The following SLC9A4 variants were observed in gnomAD, a reference collection of about 807,000 sequenced individuals.
SLC9A4 encodes the protein sodium/hydrogen exchanger 4.
Under a neutral mutation model 67.4 loss-of-function variants are expected in SLC9A4, and 63 were observed. That is an observed-to-expected ratio of 0.93 (90% CI 0.76 to 1.15). SLC9A4 has a LOEUF of 1.15. Among genes scored for constraint, SLC9A4 ranks in the 50% most tolerant of loss-of-function variants. The pLI is 0.00. For synonymous variants in SLC9A4, 393 were observed against 367.2 expected (o/e 1.07, Z -0.80); for missense variants, 1,089 against 987.7 (o/e 1.10, Z -1.38).
intron 3 of SLC9A4, among the ~76,000 whole-genome samples, chr2:102,504,876 C>G (rs1387126341): frequency 6.6e-6 from 1 of 152,176 alleles, no homozygotes; most frequent in Non-Finnish European, 1.5e-5. Context: ...AAATGAGAAC[C>G]TTGAAGAATT....
Position 102,505,276 on chromosome 2 carries a change from A to G in SLC9A4, c.1003A>G (p.Met335Val), listed in dbSNP as rs1468007064. 4 of 1,614,038 alleles carry G rather than the reference A, an allele frequency of 2.5e-6. No homozygotes were observed. The highest frequency in any genetic ancestry group is 1.1e-5 in the South Asian group (1 of 91,072). The change falls in exon 4 of 12, where the codon ATG becomes GTG. Residue 335 changes from methionine (M) to valine (V), a missense_variant. Physicochemically the swap from Met to Val is conservative, Grantham distance 21 (BLOSUM62 1). Coordinates refer to ENST00000295269, the MANE Select transcript of SLC9A4 (RefSeq NM_001011552.4). The part of the protein sequence containing the change: ...ILAITACAVT[M>V]KKYVEENVSQ... ...TAGAATCACAGCCTGCGCAGTAACA[A>G]TGAAAAAGTACGTGGAAGAAAACGT...
At chr2:102,475,081 A>G (rs17027258) in intron 1 of SLC9A4, among the ~76,000 whole-genome samples, 37,243 of 152,080 alleles carry the variant, frequency 0.24, 4,983 homozygotes, top group East Asian at 0.4. Context: ...TGAGCTAGTA[A>G]AGTGTGAATA....
At chr2:102,527,003 T>C (rs571447560) in intron 11 of SLC9A4, among the ~76,000 whole-genome samples, 1 of 152,326 alleles carries the variant, frequency 6.6e-6, no homozygotes, top group African/African-American at 2.4e-5. Flanking sequence ...TGTTGGAAAT[T>C]CACGTAAACT....
chr2:102,477,582 A>G (rs1278359411), intron 1 of SLC9A4, among the ~76,000 whole-genome samples: 1 of 152,198 alleles, frequency 6.6e-6, no homozygotes, highest in African/African-American at 2.4e-5. Context: ...GACAGGGATT[A>G]TTGTTATTAG....
intron 2 of SLC9A4, among the ~76,000 whole-genome samples, chr2:102,486,642 G>T (rs1445093741): frequency 6.6e-6 from 1 of 152,164 alleles, no homozygotes; most frequent in Non-Finnish European, 1.5e-5. Flanking sequence ...CACTGTGTAT[G>T]GGGGGCGTGG....
At chr2:102,505,031 C>T (rs1315709830) in intron 3 of SLC9A4, among the ~76,000 whole-genome samples, 1 of 152,164 alleles carries the variant, frequency 6.6e-6, no homozygotes, top group Non-Finnish European at 1.5e-5. Flanking sequence ...CCGTGCCACG[C>T]CCACCTTCCC....
intron 11 of SLC9A4, 38 bp downstream of exon 11, chr2:102,526,384 A>G (rs757856896): frequency 1.3e-6 from 2 of 1,594,398 alleles, no homozygotes; most frequent in African/African-American, 1.3e-5. Context: ...GCTTTTCTGT[A>G]GAGTCAGGTG....
chr2:102,497,437 A>G (rs1413212902), intron 2 of SLC9A4, among the ~76,000 whole-genome samples: 2 of 152,226 alleles, frequency 1.3e-5, no homozygotes, highest in African/African-American at 4.8e-5. Flanking sequence ...ATATTCATTA[A>G]CAGGTAAACA....
At chr2:102,525,278 C>T in intron 10 of SLC9A4, 123 bp downstream of exon 10, 1 of 1,438,958 alleles carries the variant, frequency 6.9e-7, no homozygotes, top group South Asian at 1.3e-5. Flanking sequence ...AAAACCCCAC[C>T]TTGTTACCTG....
At chr2:102,475,971 C>T (rs750936829) in intron 1 of SLC9A4, among the ~76,000 whole-genome samples, 10 of 152,190 alleles carry the variant, frequency 6.6e-5, no homozygotes, top group Non-Finnish European at 1.5e-4. Flanking sequence ...TTTTATTCCT[C>T]ATTCCATCAA....
chr2:102,486,774 C>T (rs569497158), intron 2 of SLC9A4, among the ~76,000 whole-genome samples: 3 of 152,262 alleles, frequency 2.0e-5, no homozygotes, highest in African/African-American at 7.2e-5. Context: ...AATGAGACTT[C>T]GGATGCCTGG....
At chr2:102,478,112 C>T (rs1558658003) in intron 1 of SLC9A4, among the ~76,000 whole-genome samples, 1 of 152,124 alleles carries the variant, frequency 6.6e-6, no homozygotes, top group Admixed American at 6.5e-5. Flanking sequence ...ATCAGAGACC[C>T]ATGGTGTAGA....
At chr2:102,496,978 T>G (rs1446620352) in intron 2 of SLC9A4, among the ~76,000 whole-genome samples, 1 of 152,202 alleles carries the variant, frequency 6.6e-6, no homozygotes, top group East Asian at 1.9e-4. Flanking sequence ...CAGGCTGGAG[T>G]GCAGTGGCAT....
At chr2:102,503,082 A>G (rs140217256) in intron 2 of SLC9A4, among the ~76,000 whole-genome samples, 2 of 152,338 alleles carry the variant, frequency 1.3e-5, no homozygotes, top group African/African-American at 4.8e-5. Flanking sequence ...GACAGAGCTT[A>G]ACTAGGTGCT....
chr2:102,510,205 A>G (rs1460710207), intron 6 of SLC9A4, among the ~76,000 whole-genome samples: 1 of 152,108 alleles, frequency 6.6e-6, no homozygotes, highest in Non-Finnish European at 1.5e-5. Flanking sequence ...ATAGATAGAT[A>G]TAGATATAGA....
chr2:102,486,810 C>T (rs1684598519), intron 2 of SLC9A4, among the ~76,000 whole-genome samples: 1 of 152,212 alleles, frequency 6.6e-6, no homozygotes, highest in Admixed American at 6.5e-5. Flanking sequence ...ACACAAATGT[C>T]TTCTTGCCCT....
At chr2:102,484,341 G>T (rs1295232738) in intron 2 of SLC9A4, among the ~76,000 whole-genome samples, 1 of 152,148 alleles carries the variant, frequency 6.6e-6, no homozygotes, top group East Asian at 1.9e-4. Flanking sequence ...TACCGATGAG[G>T]AGACTGGACT....
chr2:102,504,418 G>C (rs183459151), intron 3 of SLC9A4, among the ~76,000 whole-genome samples: 227 of 152,318 alleles, frequency 1.5e-3, no homozygotes, highest in African/African-American at 4.9e-3. Flanking sequence ...CACAGCCATG[G>C]CTCTTCAGTG....
Position 102,478,892 on chromosome 2 carries a change from A to C in SLC9A4, c.310A>C (p.Ile104Leu). 6.2e-7 allele frequency: 1 copy of C among 1,614,118 alleles called. No individual in the cohort carries two copies. Among genetic ancestry groups the C allele is most frequent in the Non-Finnish European group, 8.5e-7 (1 of 1,180,030 alleles). Residue 104 changes from isoleucine to leucine, a missense_variant, in exon 2 of 12, where the codon ATC (isoleucine) becomes CTC (leucine). Transcript: ENST00000295269. Reference sequence around the variant, plus strand: ...CCTCATGCCAGAAAGCTGCCTCCTCATCCTGGTGGGGGCGCTGGTGGGCGG... The same window carrying C: ...CCTCATGCCAGAAAGCTGCCTCCTCCTCCTGGTGGGGGCGCTGGTGGGCGG... The part of the protein sequence containing the change: ...PGLMPESCLL[I>L]LVGALVGGII...
Sources: gnomAD v4.1 joint callset for allele counts (sites outside exome capture counted in the v4.1 genomes callset) on GRCh38, gnomAD v4.1.1 for gene constraint, MANE v1.5 for transcripts, NCBI Gene and HGNC (gene_info 2026-07-23, HGNC 2026-07-21) for gene names.